The following LYNX1 variants were observed in gnomAD, a reference collection of about 807,000 sequenced individuals.
LYNX1 encodes the protein ly-6/neurotoxin-like protein 1.
In LYNX1, 8 loss-of-function variants were observed where a neutral mutation model predicts 8.3. That is an observed-to-expected ratio of 0.97 (90% CI 0.57 to 1.74). The LOEUF is 1.74. Ranked by LOEUF, LYNX1 falls within the 40% of genes most tolerant of loss-of-function variation. The probability of loss-of-function intolerance (pLI) is 0.00; values close to 1 mark genes in which losing one functional copy is unlikely to be tolerated. For synonymous variants in LYNX1, 73 were observed against 67.9 expected (o/e 1.08, Z -0.37); for missense variants, 158 against 159.7 (o/e 0.99, Z 0.06).
chr8:142,775,781 ACCTT>A lies in LYNX1; in HGVS notation c.53-91_53-88del. 3 of 1,535,532 alleles carry A rather than the reference ACCTT, an allele frequency of 2.0e-6. No individual in the cohort carries two copies. In the African/African-American group the frequency reaches 4.1e-5, roughly 21 times the overall value. On this transcript the variant is annotated intron_variant, in intron 2 of 3. Transcript: ENST00000652477. ...CAGCCCATCAGGCCCCCAGCCCGTC[ACCTT>A]CCCCGGGGCAGGGGGCTAGAAGGAG...
Position 142,774,372 on chromosome 8 carries a change from A to C in LYNX1, c.*795T>G, listed in dbSNP as rs1815313896. The C allele has an allele frequency of 1.0e-5, 10 of 985,644 alleles. No individual in the cohort carries two copies. Among genetic ancestry groups the C allele is most frequent in the Non-Finnish European group, 1.2e-5 (10 of 830,102 alleles). 61.1% of individuals were successfully genotyped at this position (985,644 alleles called of 1,614,324 possible). A position where few individuals can be genotyped will look rare whatever the true frequency, so the allele number is the denominator to read the frequency against. ...GCTCTGCCCCTTTCCCTCCCTGCCC[A>C]GAATAGCGCTGGCCGGGTCAGCGTC... is the stretch of plus-strand genomic sequence containing the variant. On this transcript the variant is annotated 3_prime_UTR_variant, in exon 4 of 4. Transcript: ENST00000652477.
chr8:142,775,113 G>T lies in LYNX1; in HGVS notation c.*54C>A. Reference sequence around the variant, plus strand: ...GAGGCAGGGTGAGCTGGGTGCGAGGGTGTAGCAGTGTGTCTCGAGAGCTTT... The same window carrying T: ...GAGGCAGGGTGAGCTGGGTGCGAGGTTGTAGCAGTGTGTCTCGAGAGCTTT... On this transcript the variant is annotated 3_prime_UTR_variant, in exon 4 of 4. Transcript: ENST00000652477. 6.4e-7 allele frequency: 1 copy of T among 1,573,468 alleles called. No individual in the cohort carries two copies. Among genetic ancestry groups the T allele is most frequent in the African/African-American group, 1.3e-5 (1 of 74,466 alleles).
chr8:142,774,765 A>T lies in LYNX1; in HGVS notation c.*402T>A. On this transcript the variant is annotated 3_prime_UTR_variant, in exon 4 of 4. Coordinates refer to ENST00000652477, the MANE Select transcript of LYNX1 (RefSeq NM_177477.4). ...TCTCCCCACCACCCCACCTGCGGGC[A>T]TTCCTTGTCTTCCCCCTGCCCCAGC... 3.8e-6 allele frequency: 4 copies of T among 1,049,802 alleles called. No homozygotes were observed. Among genetic ancestry groups the T allele is most frequent in the Non-Finnish European group, 4.6e-6 (4 of 870,456 alleles). 65.0% of individuals were successfully genotyped at this position (1,049,802 alleles called of 1,614,324 possible).
intron 3 of LYNX1, 63 bp from the exon 4 acceptor site, chr8:142,775,426 A>C (rs1587615998): frequency 1.3e-6 from 2 of 1,591,394 alleles, no homozygotes. Flanking sequence ...AGCTGGCCCC[A>C]CCCCAGCATC....
chr8:142,772,745 T>C lies in LYNX1; in HGVS notation c.*2422A>G, dbSNP rs1249241809. ...CGGCGCTGCTGTGCCGGTTCCCTGGTGCTGCACAGCCACGCACTCCCCATG... is the reference window on the plus strand; with the variant it reads ...CGGCGCTGCTGTGCCGGTTCCCTGGCGCTGCACAGCCACGCACTCCCCATG... On this transcript the variant is annotated 3_prime_UTR_variant, in exon 4 of 4. Coordinates refer to ENST00000652477, the MANE Select transcript of LYNX1 (RefSeq NM_177477.4). 1.0e-6 allele frequency: 1 copy of C among 985,416 alleles called. No homozygotes were observed. Among genetic ancestry groups the C allele is most frequent in the East Asian group, 1.1e-4 (1 of 8,820 alleles). 61.0% of individuals were successfully genotyped at this position (985,416 alleles called of 1,614,324 possible).
intron 3 of LYNX1, 107 bp downstream of exon 3, chr8:142,775,486 C>T (rs1364431797): frequency 3.7e-5 from 57 of 1,557,512 alleles, no homozygotes; most frequent in Non-Finnish European, 4.6e-5. Context: ...AGACAGGATC[C>T]GGGAACAGGA....
chr8:142,777,678 G>C (rs1587619406), upstream of LYNX1: 3 of 396,846 alleles, frequency 7.6e-6, no homozygotes, highest in Admixed American at 1.3e-4. Context: ...CAAGCGCTGG[G>C]ACCCCGAGGC....
chr8:142,774,545 G>A lies in LYNX1; in HGVS notation c.*622C>T, dbSNP rs956715309. 1 of 985,660 alleles carries A rather than the reference G, an allele frequency of 1.0e-6. No individual in the cohort carries two copies. Among genetic ancestry groups the A allele is most frequent in the Non-Finnish European group, 1.2e-6 (1 of 830,210 alleles). The allele number at this position is 985,660 out of a possible 1,614,324, so 61.1% of individuals were successfully genotyped here. A position where few individuals can be genotyped will look rare whatever the true frequency, so the allele number is the denominator to read the frequency against. ...CGAAAAAGCTTCTGTGACTTCGGGG[G>A]CCCTGGGGCCTGCTGAGGCAGAGCC... On this transcript the variant is annotated 3_prime_UTR_variant, in exon 4 of 4. Transcript: ENST00000652477.
At chr8:142,776,734 G>A (rs1211506796) in intron 1 of LYNX1, 3 of 152,320 alleles carry the variant, frequency 2.0e-5, no homozygotes, top group South Asian at 2.1e-4. Flanking sequence ...CCCCTCCCAG[G>A]AGGGCACTTG....
rs1815170421 is a variant in LYNX1 at position 142,771,390 on chromosome 8, A to G, written c.*3777T>C. The G allele has an allele frequency of 5.1e-6, 5 of 985,546 alleles. No homozygotes were observed. The highest frequency in any genetic ancestry group is 6.0e-6 in the Non-Finnish European group (5 of 830,012). The allele number at this position is 985,546 out of a possible 1,614,324, so 61.1% of individuals were successfully genotyped here. A position where few individuals can be genotyped will look rare whatever the true frequency, so the allele number is the denominator to read the frequency against. On this transcript the variant is annotated 3_prime_UTR_variant, in exon 4 of 4. Coordinates refer to ENST00000652477, the MANE Select transcript of LYNX1 (RefSeq NM_177477.4). ...TGCCCACGACCAGCTGAGCCAGACC[A>G]GCATTCCCATTTCACCACCCCTTAC...
chr8:142,772,663 C>T lies in LYNX1; in HGVS notation c.*2504G>A, dbSNP rs982087297. On this transcript the variant is annotated 3_prime_UTR_variant, in exon 4 of 4. Transcript: ENST00000652477. Reference sequence around the variant, plus strand: ...GGCCACAGTGCAGTGGGGGGACCCACGTCCATCGCCACCTTGATGCATACA... The same window carrying T: ...GGCCACAGTGCAGTGGGGGGACCCATGTCCATCGCCACCTTGATGCATACA... 10 of 985,482 alleles carry T rather than the reference C, an allele frequency of 1.0e-5. No homozygotes were observed. Among genetic ancestry groups the T allele is most frequent in the South Asian group, 4.7e-5 (1 of 21,298 alleles). The allele number at this position is 985,482 out of a possible 1,614,324, so 61.0% of individuals were successfully genotyped here. A position where few individuals can be genotyped will look rare whatever the true frequency, so the allele number is the denominator to read the frequency against.
rs1422214555 is a variant in LYNX1 at position 142,775,376 on chromosome 8, G to A, written c.155-13C>T. ...GTGGGGGTGTAGTCTGCAGAGGGGC[G>A]GGGCGGTGAGCCAGCTCCGCTAAGA... On this transcript the variant is annotated splice_polypyrimidine_tract_variant and intron_variant, in intron 3 of 3. Coordinates refer to ENST00000652477, the MANE Select transcript of LYNX1 (RefSeq NM_177477.4). 1.6e-5 allele frequency: 25 copies of A among 1,610,722 alleles called. No individual in the cohort carries two copies. The highest frequency in any genetic ancestry group is 4.5e-5 in the East Asian group (2 of 44,796).
rs979585959 is a variant in LYNX1, at chr8:142,772,965, C to T, written c.*2202G>A. On this transcript the variant is annotated 3_prime_UTR_variant, in exon 4 of 4. Coordinates refer to ENST00000652477, the MANE Select transcript of LYNX1 (RefSeq NM_177477.4). The stretch of plus-strand genomic sequence containing the variant: ...AACACCACAGCACTTCCAGCTCCAG[C>T]AGGTCCTTGTTCTCAGCTGCCCCTG... 5.1e-6 allele frequency: 5 copies of T among 985,660 alleles called. No individual in the cohort carries two copies. The highest frequency in any genetic ancestry group is 1.7e-5 in the African/African-American group (1 of 57,246). 61.1% of individuals were successfully genotyped at this position (985,660 alleles called of 1,614,324 possible).
chr8:142,772,704 C>G lies in LYNX1; in HGVS notation c.*2463G>C, dbSNP rs935048134. ...GATGCATACAACCCGGACAAGTTTA[C>G]TGCTGTGATTTCTGCCGGCGCTGCT... On this transcript the variant is annotated 3_prime_UTR_variant, in exon 4 of 4. Coordinates refer to ENST00000652477, the MANE Select transcript of LYNX1 (RefSeq NM_177477.4). 3 of 985,534 alleles carry G rather than the reference C, an allele frequency of 3.0e-6. No homozygotes were observed. The highest frequency in any genetic ancestry group is 3.6e-6 in the Non-Finnish European group (3 of 830,086). 61.0% of individuals were successfully genotyped at this position (985,534 alleles called of 1,614,324 possible).
chr8:142,775,491 ACAGGAGAGCCTCCTTCCT>A, intron 3 of LYNX1, 84 bp downstream of exon 3: 1 of 1,556,978 alleles, frequency 6.4e-7, no homozygotes, highest in Non-Finnish European at 8.7e-7. Flanking sequence ...GGATCCGGGA[ACAGGAGAGCCTCCTTCCT>A]CAGGACCCCC....
chr8:142,775,953 G>T lies in LYNX1; in HGVS notation c.5C>A (p.Thr2Lys). M[T>K]PLLTLILVVL... Reference sequence around the variant, plus strand: ...CACCAGGATCAGGGTGAGCAGGGGCGTCATGGCTGCAGGCAGGAGGGCAGC... The same window carrying T: ...CACCAGGATCAGGGTGAGCAGGGGCTTCATGGCTGCAGGCAGGAGGGCAGC... The change falls in exon 2 of 4, where the codon ACG becomes AAG. Residue 2 changes from threonine (T) to lysine (K), a missense_variant. Transcript: ENST00000652477. 1 of 1,614,050 alleles carries T rather than the reference G, an allele frequency of 6.2e-7. No individual in the cohort carries two copies. Among genetic ancestry groups the T allele is most frequent in the Non-Finnish European group, 8.5e-7 (1 of 1,180,030 alleles).
Position 142,772,133 on chromosome 8 carries a change from T to C in LYNX1, c.*3034A>G, listed in dbSNP as rs201189611. On this transcript the variant is annotated 3_prime_UTR_variant, in exon 4 of 4. Transcript: ENST00000652477. ...CCAGTTCCCAGAATGTATAACATCCTAGGGTGACAGAGCCCGCCCAAGCAG... is the reference window on the plus strand; with the variant it reads ...CCAGTTCCCAGAATGTATAACATCCCAGGGTGACAGAGCCCGCCCAAGCAG... 11 of 985,010 alleles carry C rather than the reference T, an allele frequency of 1.1e-5. No homozygotes were observed. The highest frequency in any genetic ancestry group is 5.3e-5 in the African/African-American group (3 of 56,902). The allele number at this position is 985,010 out of a possible 1,614,324, so 61.0% of individuals were successfully genotyped here.
Position 142,774,187 on chromosome 8 carries a change from C to T in LYNX1, c.*980G>A. 1 of 983,880 alleles carries T rather than the reference C, an allele frequency of 1.0e-6. No homozygotes were observed. Among genetic ancestry groups the T allele is most frequent in the Non-Finnish European group, 1.2e-6 (1 of 829,340 alleles). 60.9% of individuals were successfully genotyped at this position (983,880 alleles called of 1,614,324 possible). A position where few individuals can be genotyped will look rare whatever the true frequency, so the allele number is the denominator to read the frequency against. The stretch of plus-strand genomic sequence containing the variant: ...CTCCCCACTCCCGCCCCCGCACGGC[C>T]ACGAGAGGGTGGCATGCTCCGCCTT... On this transcript the variant is annotated 3_prime_UTR_variant, in exon 4 of 4. Transcript: ENST00000652477.
rs1815228275 is a variant in LYNX1 at position 142,772,581 on chromosome 8, C to T, written c.*2586G>A. 1.0e-6 allele frequency: 1 copy of T among 985,454 alleles called. No homozygotes were observed. Among genetic ancestry groups the T allele is most frequent in the Admixed American group, 6.1e-5 (1 of 16,274 alleles). 61.0% of individuals were successfully genotyped at this position (985,454 alleles called of 1,614,324 possible). A position where few individuals can be genotyped will look rare whatever the true frequency, so the allele number is the denominator to read the frequency against. On this transcript the variant is annotated 3_prime_UTR_variant, in exon 4 of 4. Transcript: ENST00000652477. ...CACCTCCCTGTGCCTCTGTGTCCTC[C>T]TCTGTCAAAGGGGCAAGATAATGGC...
Sources: allele counts gnomAD v4.1 joint callset, GRCh38; gene constraint gnomAD v4.1.1; transcripts MANE v1.5; gene names NCBI Gene and HGNC (gene_info 2026-07-23, HGNC 2026-07-21).